Variants in GABPB1 observed in about 807,000 individuals in gnomAD.
The protein encoded by GABPB1 is GA-binding protein subunit beta-1.
A neutral mutation model predicts 45.9 loss-of-function variants in GABPB1; 15 were observed. The observed-to-expected ratio is 0.33, with a 90% CI of 0.22 to 0.50. GABPB1 has a LOEUF of 0.50. Among genes scored for constraint, GABPB1 ranks in the 20% least tolerant of loss-of-function variants. The probability of loss-of-function intolerance (pLI) is 0.98; values close to 1 mark genes in which losing one functional copy is unlikely to be tolerated. For missense variants in GABPB1, 252 were observed against 457.5 expected (o/e 0.55, Z 4.10); for synonymous variants, 143 against 154.4 (o/e 0.93, Z 0.55).
At chr15:50,305,906 C>T (rs1567505008) in intron 2 of GABPB1, among the ~76,000 whole-genome samples, 1 of 151,988 alleles carries the variant, frequency 6.6e-6, no homozygotes, top group Non-Finnish European at 1.5e-5. Flanking sequence ...CTCAGCCTCC[C>T]GAAGTGCTGG....
chr15:50,323,517 G>C (rs1482626477), intron 1 of GABPB1, among the ~76,000 whole-genome samples: 1 of 152,184 alleles, frequency 6.6e-6, no homozygotes, highest in Non-Finnish European at 1.5e-5. Flanking sequence ...CTACGCCTCA[G>C]TTTACACACC....
chr15:50,303,619 T>A (rs7164377), intron 3 of GABPB1, among the ~76,000 whole-genome samples: 1 of 150,614 alleles, frequency 6.6e-6, no homozygotes, highest in South Asian at 2.1e-4. Context: ...GAGGTGGAGG[T>A]TGCAGTGAGC....
intron 6 of GABPB1, among the ~76,000 whole-genome samples, chr15:50,294,114 A>T (rs1381073906): frequency 6.6e-6 from 1 of 152,218 alleles, no homozygotes; most frequent in Admixed American, 6.5e-5. Flanking sequence ...TCTCTTGTTC[A>T]ATAAGAATTC....
intron 6 of GABPB1, among the ~76,000 whole-genome samples, chr15:50,299,298 C>T (rs1363795621): frequency 6.6e-6 from 1 of 152,204 alleles, no homozygotes; most frequent in Non-Finnish European, 1.5e-5. Flanking sequence ...ATTTTACCGA[C>T]ATAATAATTA....
At chr15:50,330,452 C>T (rs997716955) in intron 1 of GABPB1, among the ~76,000 whole-genome samples, 1 of 152,138 alleles carries the variant, frequency 6.6e-6, no homozygotes, top group Non-Finnish European at 1.5e-5. Context: ...CTATCAACTG[C>T]CTCACACATT....
intron 6 of GABPB1, among the ~76,000 whole-genome samples, chr15:50,298,967 GAAAGAGAAAAGAAAAGAA>G (rs1443406896): frequency 2.1e-4 from 30 of 141,666 alleles, no homozygotes; most frequent in East Asian, 1.6e-3. Flanking sequence ...AAAAAAAAAA[GAAAGAGAAAAGAAAAGAA>G]AAAGAGAAAA....
chr15:50,283,863 A>G (rs976539266), intron 8 of GABPB1, among the ~76,000 whole-genome samples: 1 of 152,218 alleles, frequency 6.6e-6, no homozygotes, highest in African/African-American at 2.4e-5. Context: ...GCAGTCACAG[A>G]TACATGGAGA....
chr15:50,330,552 A>G (rs1388495559), intron 1 of GABPB1, among the ~76,000 whole-genome samples: 1 of 146,034 alleles, frequency 6.8e-6, no homozygotes, highest in Admixed American at 6.6e-5. Context: ...CACTTACCTT[A>G]TTCCAGACCC....
intron 3 of GABPB1, 131 bp from the exon 4 acceptor site, chr15:50,303,254 A>C (rs577145232): frequency 7.4e-4 from 543 of 733,546 alleles, no homozygotes; most frequent in Non-Finnish European, 9.3e-4. Context: ...GTATATGTTA[A>C]ATAGATGTTC....
At chr15:50,325,006 C>A (rs926878480) in intron 1 of GABPB1, among the ~76,000 whole-genome samples, 2 of 152,132 alleles carry the variant, frequency 1.3e-5, no homozygotes, top group African/African-American at 2.4e-5. Context: ...CTGGCCCCAC[C>A]AGACATGCAT....
intron 1 of GABPB1, chr15:50,353,281 A>G (rs1456361202): frequency 6.6e-6 from 1 of 152,222 alleles, no homozygotes; most frequent in African/African-American, 2.4e-5. Context: ...CCAGTAAAAA[A>G]AGTATGGGAA....
In GABPB1 at chr15:50,348,150, A is replaced by C. The variant is rs114718540; in HGVS notation, c.-1+6835T>G. 6.6e-3 allele frequency among the ~76,000 whole-genome samples: 1,004 copies of C among 152,312 alleles called. 16 individuals carry two copies. The highest frequency in any genetic ancestry group is 0.023 in the African/African-American group (961 of 41,568). ...AGCTAATTGGGTTATAGGAATGCTCAAGCCTCTTTCAGAAAAAGATTCTAC... is the reference window on the plus strand; with the variant it reads ...AGCTAATTGGGTTATAGGAATGCTCCAGCCTCTTTCAGAAAAAGATTCTAC... On this transcript the variant is annotated intron_variant, in intron 1 of 8. Transcript: ENST00000380877.
chr15:50,304,857 TTTTTAC>T (rs2046887091), intron 2 of GABPB1, among the ~76,000 whole-genome samples: 1 of 152,188 alleles, frequency 6.6e-6, no homozygotes, highest in Non-Finnish European at 1.5e-5. Context: ...ACAGTGTACA[TTTTTAC>T]TTTAAGTGGA....
At position 50,301,067 on chromosome 15, in the gene GABPB1, T is replaced by C; in HGVS notation, c.584-165A>G. ...TGTAATATCACCTTTCTTCAGATTG[T>C]TTTGTCTCATAAAAATCTTTTTGCC... On this transcript the variant is annotated intron_variant, in intron 5 of 8. Transcript: ENST00000380877. The C allele has an allele frequency of 5.6e-6, 5 of 891,214 alleles. No individual in the cohort carries two copies. The South Asian group carries it at 6.8e-5, about 12-fold the overall frequency. The allele number at this position is 891,214 out of a possible 1,614,324, so 55.2% of individuals were successfully genotyped here.
chr15:50,318,922 T>C (rs1169195249), intron 1 of GABPB1, among the ~76,000 whole-genome samples: 4 of 152,234 alleles, frequency 2.6e-5, no homozygotes, highest in Non-Finnish European at 5.9e-5. Context: ...TCCTTTGTGG[T>C]ATAGGCGTGG....
chr15:50,338,018 T>C (rs2048208246), intron 1 of GABPB1, among the ~76,000 whole-genome samples: 1 of 152,146 alleles, frequency 6.6e-6, no homozygotes, highest in Non-Finnish European at 1.5e-5. Context: ...AAACTCTAAA[T>C]TATATAGCAA....
intron 6 of GABPB1, among the ~76,000 whole-genome samples, chr15:50,296,790 G>T (rs1239264679): frequency 6.6e-6 from 1 of 152,088 alleles, no homozygotes; most frequent in African/African-American, 2.4e-5. Context: ...AAAGAAACTG[G>T]ACAGCCAGAA....
intron 1 of GABPB1, among the ~76,000 whole-genome samples, chr15:50,344,332 T>G (rs1234541516): frequency 1.3e-5 from 2 of 152,210 alleles, no homozygotes; most frequent in African/African-American, 4.8e-5. Flanking sequence ...TTCAAACATT[T>G]ATTCAGCAAG....
Position 50,355,015 on chromosome 15 carries a change from G to C in GABPB1, c.-31C>G, listed in dbSNP as rs551902082. 2.6e-5 allele frequency: 4 copies of C among 155,952 alleles called. No individual in the cohort carries two copies. The South Asian group carries it at 5.6e-4, about 22-fold the overall frequency. 9.7% of individuals were successfully genotyped at this position (155,952 alleles called of 1,614,324 possible). On this transcript the variant is annotated 5_prime_UTR_variant, in exon 1 of 9. Coordinates refer to ENST00000380877, the MANE Select transcript of GABPB1 (RefSeq NM_016654.5). ...AAAGCTTCGGGAGCGGCGACGGGAA[G>C]GCAGCAGGAGGTGGTGCGGGGACCC... is the stretch of plus-strand genomic sequence containing the variant.
Sources: gnomAD v4.1 joint callset for allele counts (sites outside exome capture counted in the v4.1 genomes callset) on GRCh38, gnomAD v4.1.1 for gene constraint, MANE v1.5 for transcripts, NCBI Gene and HGNC (gene_info 2026-07-23, HGNC 2026-07-21) for gene names.